Variants in ARIH1 observed in about 807,000 individuals in gnomAD.
ARIH1 encodes the protein ariadne RBR E3 ubiquitin protein ligase 1.
A neutral mutation model predicts 85.0 loss-of-function variants in ARIH1; 8 were observed. The observed-to-expected ratio is 0.09, with a 90% confidence interval of 0.06 to 0.17. The LOEUF (loss-of-function observed/expected upper bound fraction) is 0.17, where lower values mean the gene tolerates loss of function less well. Among genes scored for constraint, ARIH1 ranks in the 10% least tolerant of loss-of-function variants. The pLI is 1.00. For missense variants in ARIH1, 311 were observed against 718.1 expected (o/e 0.43, Z 6.48); for synonymous variants, 238 against 253.6 (o/e 0.94, Z 0.59).
At chr15:72,530,719 C>T (rs1346418577) in intron 2 of ARIH1, among the ~76,000 whole-genome samples, 1 of 152,074 alleles carries the variant, frequency 6.6e-6, no homozygotes, top group African/African-American at 2.4e-5. Flanking sequence ...GGAAAAAAAT[C>T]AGAATTTTTA....
chr15:72,559,149 T>A (rs1472425303), intron 5 of ARIH1, among the ~76,000 whole-genome samples: 1 of 152,242 alleles, frequency 6.6e-6, no homozygotes, highest in Non-Finnish European at 1.5e-5. Flanking sequence ...CGTCCATATA[T>A]GCAGGTTTCA....
rs2063865358 is a variant in ARIH1, at chr15:72,492,957, A to G, written c.375+17943A>G. 3.3e-5 allele frequency among the ~76,000 whole-genome samples: 5 copies of G among 152,282 alleles called. No homozygotes were observed. In the South Asian group the frequency reaches 1.0e-3, roughly 32 times the overall value. ...CCACTGTCAACACAGTTTTTGATTCATGTAGAGTCAAATTAACAAGGTTGG... is the reference window on the plus strand; with the variant it reads ...CCACTGTCAACACAGTTTTTGATTCGTGTAGAGTCAAATTAACAAGGTTGG... On this transcript the variant is annotated intron_variant, in intron 1 of 13. Coordinates refer to ENST00000379887, the MANE Select transcript of ARIH1 (RefSeq NM_005744.5).
chr15:72,542,370 C>G (rs1009233881), intron 2 of ARIH1, among the ~76,000 whole-genome samples: 1 of 152,086 alleles, frequency 6.6e-6, no homozygotes, highest in Non-Finnish European at 1.5e-5. Flanking sequence ...TTTACTCTTC[C>G]TCTTTGCATA....
Position 72,600,976 on chromosome 15 carries a change from C to G in ARIH1, c.*17684C>G, listed in dbSNP as rs187454309. On this transcript the variant is annotated 3_prime_UTR_variant, in exon 14 of 14. Coordinates refer to ENST00000379887, the MANE Select transcript of ARIH1 (RefSeq NM_005744.5). ...TGAGCTTTCTACAAACATCTTTGTCCTTAAGTCTTCCCATTTCAGTAATTG... is the reference window on the plus strand; with the variant it reads ...TGAGCTTTCTACAAACATCTTTGTCGTTAAGTCTTCCCATTTCAGTAATTG... The G allele has an allele frequency of 6.6e-6, 1 of 152,302 alleles. No individual in the cohort carries two copies. The highest frequency in any genetic ancestry group is 1.5e-5 in the Non-Finnish European group (1 of 68,012). The allele number at this position is 152,302 out of a possible 1,614,324, so 9.4% of individuals were successfully genotyped here.
Position 72,588,408 on chromosome 15 carries a change from G to A in ARIH1, c.*5116G>A, listed in dbSNP as rs774220125. On this transcript the variant is annotated 3_prime_UTR_variant, in exon 14 of 14. Coordinates refer to ENST00000379887, the MANE Select transcript of ARIH1 (RefSeq NM_005744.5). Reference sequence around the variant, plus strand: ...CTTTAAAAAATATTAGTGCCTGAGTGTTACTTTATGGAGATTATGATTTAA... The same window carrying A: ...CTTTAAAAAATATTAGTGCCTGAGTATTACTTTATGGAGATTATGATTTAA... The A allele has an allele frequency of 3.3e-5, 5 of 152,198 alleles. No individual in the cohort carries two copies. The highest frequency in any genetic ancestry group is 5.9e-5 in the Non-Finnish European group (4 of 68,040). 9.4% of individuals were successfully genotyped at this position (152,198 alleles called of 1,614,324 possible).
At chr15:72,549,660 T>C (rs2064145206) in intron 3 of ARIH1, among the ~76,000 whole-genome samples, 1 of 152,180 alleles carries the variant, frequency 6.6e-6, no homozygotes, top group South Asian at 2.1e-4. Flanking sequence ...GTTTCAATTT[T>C]AGAGGTTATA....
chr15:72,493,872 A>G (rs1375528008), intron 1 of ARIH1, among the ~76,000 whole-genome samples: 1 of 133,180 alleles, frequency 7.5e-6, no homozygotes, highest in Non-Finnish European at 1.7e-5. Flanking sequence ...ACTTTTTTAA[A>G]GGATTTTAAA....
At chr15:72,491,309 C>T (rs1030427612) in intron 1 of ARIH1, among the ~76,000 whole-genome samples, 1 of 149,708 alleles carries the variant, frequency 6.7e-6, no homozygotes, top group Non-Finnish European at 1.5e-5. Context: ...CTTCCCCCCA[C>T]CCCCCCATAA....
At position 72,586,642 on chromosome 15, in the gene ARIH1, G is replaced by C. The variant is rs1380167350; in HGVS notation, c.*3350G>C. 6.6e-6 allele frequency: 1 copy of C among 152,290 alleles called. No individual in the cohort carries two copies. The highest frequency in any genetic ancestry group is 2.4e-5 in the African/African-American group (1 of 41,432). The allele number at this position is 152,290 out of a possible 1,614,324, so 9.4% of individuals were successfully genotyped here. On this transcript the variant is annotated 3_prime_UTR_variant, in exon 14 of 14. Transcript: ENST00000379887. The stretch of plus-strand genomic sequence containing the variant: ...ACCCGTATTATGTGCCTTATTCACT[G>C]TTCCCACTTAATATAAAATGTCAAA...
intron 2 of ARIH1, among the ~76,000 whole-genome samples, chr15:72,542,693 T>G (rs935265440): frequency 4.6e-5 from 7 of 152,156 alleles, no homozygotes; most frequent in African/African-American, 7.2e-5. Flanking sequence ...TTATATGAAA[T>G]TAGGGACACA....
chr15:72,483,322 GT>G (rs1228544936), intron 1 of ARIH1, among the ~76,000 whole-genome samples: 1 of 152,202 alleles, frequency 6.6e-6, no homozygotes, highest in African/African-American at 2.4e-5. Flanking sequence ...ACAGTAGCTT[GT>G]TTCCTCCAGA....
intron 1 of ARIH1, among the ~76,000 whole-genome samples, chr15:72,485,681 C>A (rs1417844201): frequency 6.6e-6 from 1 of 152,110 alleles, no homozygotes; most frequent in Non-Finnish European, 1.5e-5. Context: ...ATCAACCCCC[C>A]TTTCCTCAGT....
intron 1 of ARIH1, among the ~76,000 whole-genome samples, chr15:72,512,338 G>A (rs891568403): frequency 5.3e-5 from 8 of 151,910 alleles, no homozygotes; most frequent in African/African-American, 1.7e-4. Context: ...AGGATCATTC[G>A]TGTTGTGTCT....
intron 2 of ARIH1, among the ~76,000 whole-genome samples, chr15:72,537,017 AT>A (rs569055449): frequency 1.2e-3 from 181 of 151,180 alleles, no homozygotes; most frequent in African/African-American, 4.2e-3. Flanking sequence ...TAGAATACCC[AT>A]TTTTTTTTAG....
chr15:72,541,762 T>G (rs2064108441), intron 2 of ARIH1, among the ~76,000 whole-genome samples: 1 of 152,356 alleles, frequency 6.6e-6, no homozygotes, highest in South Asian at 2.1e-4. Context: ...AGTTACTCTT[T>G]AAGAAGAAAC....
At chr15:72,566,060 T>C (rs1254449390) in intron 7 of ARIH1, among the ~76,000 whole-genome samples, 1 of 152,194 alleles carries the variant, frequency 6.6e-6, no homozygotes, top group Non-Finnish European at 1.5e-5. Flanking sequence ...AGTCTTTTTG[T>C]TTTATACCTT....
intron 6 of ARIH1, among the ~76,000 whole-genome samples, chr15:72,562,569 A>G (rs554760246): frequency 5.3e-4 from 80 of 150,706 alleles, no homozygotes; most frequent in South Asian, 1.9e-3. Context: ...CTAAAATGCA[A>G]TCTTTGCCTG....
chr15:72,495,399 A>C (rs968439280), intron 1 of ARIH1, among the ~76,000 whole-genome samples: 1 of 152,192 alleles, frequency 6.6e-6, no homozygotes, highest in Non-Finnish European at 1.5e-5. Flanking sequence ...AGTCTAATTC[A>C]GTATTCCCCA....
intron 2 of ARIH1, among the ~76,000 whole-genome samples, chr15:72,525,535 G>C (rs929761159): frequency 6.6e-6 from 1 of 152,112 alleles, no homozygotes; most frequent in African/African-American, 2.4e-5. Context: ...GATAAATAAC[G>C]TAATACATGG....
Sources: allele counts gnomAD v4.1 joint callset (sites outside exome capture counted in the v4.1 genomes callset), GRCh38; gene constraint gnomAD v4.1.1; transcripts MANE v1.5; gene names NCBI Gene and HGNC (gene_info 2026-07-23, HGNC 2026-07-21).